The following TRPM3 variants were observed in gnomAD, a reference collection of about 807,000 sequenced individuals.
The protein encoded by TRPM3 is transient receptor potential cation channel subfamily M member 3.
TRPM3 carries 77 observed loss-of-function variants against 181.2 expected under a neutral mutation model. The ratio of observed to expected loss-of-function variants is 0.42; its 90% CI spans 0.35 to 0.51. The LOEUF is 0.51. Among genes scored for constraint, TRPM3 ranks in the 20% least tolerant of loss-of-function variants. The pLI, the probability that TRPM3 is intolerant of heterozygous loss-of-function variation, is 0.01. For missense variants in TRPM3, 1,759 were observed against 2,196.7 expected (o/e 0.80, Z 3.98); for synonymous variants, 745 against 796.4 (o/e 0.94, Z 1.09).
At chr9:71,026,563 C>T (rs757792649) in intron 1 of TRPM3, among the ~76,000 whole-genome samples, 2 of 152,152 alleles carry the variant, frequency 1.3e-5, no homozygotes, top group African/African-American at 4.8e-5. Flanking sequence ...CATGTGTGTG[C>T]GTGTGCACTC....
chr9:70,650,488 G>C (rs2059464536), intron 9 of TRPM3, among the ~76,000 whole-genome samples: 1 of 152,100 alleles, frequency 6.6e-6, no homozygotes. Context: ...CTGGCATAAG[G>C]TGGCTCCTTC....
intron 1 of TRPM3, among the ~76,000 whole-genome samples, chr9:71,418,749 C>G (rs531914595): frequency 2.7e-4 from 40 of 145,940 alleles, no homozygotes; most frequent in Non-Finnish European, 4.7e-4. Flanking sequence ...TATATATATC[C>G]TTTGAGATAC....
intron 1 of TRPM3, among the ~76,000 whole-genome samples, chr9:71,434,692 A>T (rs1367629): frequency 0.14 from 21,013 of 152,198 alleles, 1,734 homozygotes; most frequent in African/African-American, 0.23. Flanking sequence ...ACAAAGCCAT[A>T]CTTCCCTAAA....
At chr9:70,633,517 T>TC (rs1353703293) in intron 12 of TRPM3, among the ~76,000 whole-genome samples, 1 of 152,150 alleles carries the variant, frequency 6.6e-6, no homozygotes, top group Non-Finnish European at 1.5e-5. Context: ...ACTACAGGCT[T>TC]CACCCACTCA....
Position 71,420,791 on chromosome 9 carries a change from G to A in TRPM3, c.183+25862C>T, listed in dbSNP as rs867789234. 2.7e-3 allele frequency among the ~76,000 whole-genome samples: 133 copies of A among 49,990 alleles called. 1 individual carries two copies. The highest frequency in any genetic ancestry group is 4.1e-3 in the Non-Finnish European group (84 of 20,270). The allele number at this position is 49,990 out of a possible 152,430, so 32.8% of individuals were successfully genotyped here. A position where few individuals can be genotyped will look rare whatever the true frequency, so the allele number is the denominator to read the frequency against. On this transcript the variant is annotated intron_variant, in intron 1 of 24. Transcript: ENST00000357533. ...AAAGAGAGAGAAAGAGAGAGAAAGA[G>A]AGAGAAAGAAAGAGAGAAAGAAAGA...
At chr9:71,085,369 G>A (rs149444236) in intron 1 of TRPM3, among the ~76,000 whole-genome samples, 58 of 152,052 alleles carry the variant, frequency 3.8e-4, no homozygotes, top group Non-Finnish European at 6.9e-4. Context: ...GAAAATATTC[G>A]CAAACAGTGC....
At chr9:70,779,241 T>C (rs1232651663) in intron 7 of TRPM3, among the ~76,000 whole-genome samples, 1 of 152,164 alleles carries the variant, frequency 6.6e-6, no homozygotes, top group African/African-American at 2.4e-5. Context: ...CTTGGTATTT[T>C]CCCCATTGAT....
At chr9:70,973,930 G>A (rs1457268895) in intron 1 of TRPM3, among the ~76,000 whole-genome samples, 1 of 152,122 alleles carries the variant, frequency 6.6e-6, no homozygotes, top group Non-Finnish European at 1.5e-5. Context: ...TGTCTAAAAG[G>A]ACAATCTTCC....
chr9:71,001,718 C>T (rs1564941725), intron 1 of TRPM3, among the ~76,000 whole-genome samples: 1 of 152,324 alleles, frequency 6.6e-6, no homozygotes, highest in East Asian at 1.9e-4. Flanking sequence ...AAACATGGTA[C>T]TGTTGATACA....
intron 6 of TRPM3, among the ~76,000 whole-genome samples, chr9:70,809,475 T>A (rs1039270481): frequency 6.6e-6 from 1 of 152,200 alleles, no homozygotes; most frequent in South Asian, 2.1e-4. Context: ...TTTTATTGTG[T>A]CTTTTCTATG....
rs1232239596 is a variant in TRPM3 at position 70,535,621 on chromosome 9, C to CT, written c.*331dup. 4.1e-6 allele frequency: 6 copies of CT among 1,460,798 alleles called. No homozygotes were observed. The highest frequency in any genetic ancestry group is 5.4e-6 in the Non-Finnish European group (6 of 1,113,610). 90.5% of individuals were successfully genotyped at this position (1,460,798 alleles called of 1,614,324 possible). On this transcript the variant is annotated 3_prime_UTR_variant, in exon 26 of 26. Transcript: ENST00000677713. ...CAGATGCCTCCTGGCATGGAGCGTGCTCGAAGCCCCTTGTTTCCCCTGCTC... is the reference window on the plus strand; with the variant it reads ...CAGATGCCTCCTGGCATGGAGCGTGCTTCGAAGCCCCTTGTTTCCCCTGCTC...
At chr9:71,304,301 T>C (rs2087056341) in intron 1 of TRPM3, among the ~76,000 whole-genome samples, 2 of 147,790 alleles carry the variant, frequency 1.4e-5, no homozygotes, top group Non-Finnish European at 2.9e-5. Context: ...AGCTAGACTA[T>C]TTTTTCCAAA....
At chr9:71,251,424 C>T (rs1239648551) in intron 1 of TRPM3, among the ~76,000 whole-genome samples, 1 of 151,858 alleles carries the variant, frequency 6.6e-6, no homozygotes, top group Non-Finnish European at 1.5e-5. Flanking sequence ...TTTTGCAATC[C>T]CATAATGCTG....
chr9:70,822,362 C>T (rs1176660780), intron 6 of TRPM3, among the ~76,000 whole-genome samples: 2 of 152,198 alleles, frequency 1.3e-5, no homozygotes, highest in African/African-American at 4.8e-5. Flanking sequence ...GATGACCATG[C>T]ATCACTCTTG....
rs2064448179 is a variant in TRPM3, at chr9:70,625,656, C to T, written c.1633-139G>A. 1.2e-6 allele frequency: 1 copy of T among 803,616 alleles called. No individual in the cohort carries two copies. Among genetic ancestry groups the T allele is most frequent in the Non-Finnish European group, 2.0e-6 (1 of 504,860 alleles). 49.8% of individuals were successfully genotyped at this position (803,616 alleles called of 1,614,324 possible). A position where few individuals can be genotyped will look rare whatever the true frequency, so the allele number is the denominator to read the frequency against. On this transcript the variant is annotated intron_variant, in intron 12 of 25. Coordinates refer to ENST00000677713, the MANE Select transcript of TRPM3 (RefSeq NM_001366145.2). The surrounding 1 kb of genome is among the most constrained non-coding windows in gnomAD (Gnocchi z 4.8). ...GAAAGAAACACAAGGCTAGACAGGG[C>T]AAATGCTATCACTCCCAGGCACTAG...
chr9:70,877,151 A>G (rs911095668), intron 1 of TRPM3, among the ~76,000 whole-genome samples: 1 of 151,976 alleles, frequency 6.6e-6, no homozygotes, highest in Admixed American at 6.6e-5. Flanking sequence ...CCCACACTCC[A>G]CAATCATTCA....
At chr9:70,977,588 A>G (rs891061320) in intron 1 of TRPM3, among the ~76,000 whole-genome samples, 2 of 152,206 alleles carry the variant, frequency 1.3e-5, no homozygotes, top group African/African-American at 2.4e-5. Flanking sequence ...GACCCCACAC[A>G]TTAAGGGCTC....
At chr9:70,692,895 C>T (rs1206137020) in intron 8 of TRPM3, among the ~76,000 whole-genome samples, 1 of 152,144 alleles carries the variant, frequency 6.6e-6, no homozygotes, top group Admixed American at 6.5e-5. Context: ...TATGACATAT[C>T]ACAGTGAGAA....
chr9:71,349,095 A>G (rs1056180048), intron 1 of TRPM3, among the ~76,000 whole-genome samples: 5 of 152,194 alleles, frequency 3.3e-5, no homozygotes, highest in Non-Finnish European at 7.3e-5. Context: ...TTAGGGCTAG[A>G]AAAGTACTAC....
Sources: allele counts gnomAD v4.1 joint callset (sites outside exome capture counted in the v4.1 genomes callset), GRCh38; gene constraint gnomAD v4.1.1; non-coding constraint Gnocchi (gnomAD v3.1); transcripts MANE v1.5; gene names NCBI Gene and HGNC (gene_info 2026-07-23, HGNC 2026-07-21).